KIF26B: variants seen among roughly 807,000 people sequenced by gnomAD.
KIF26B encodes the protein kinesin family member 26B.
In KIF26B, 63 loss-of-function variants were observed where a neutral mutation model predicts 151.2. The observed-to-expected ratio is 0.42, with a 90% CI of 0.34 to 0.51. The LOEUF is 0.51. KIF26B is among the 20% of genes least tolerant of loss of function. KIF26B has a pLI of 0.07. For synonymous variants in KIF26B, 1,357 were observed against 1,262.1 expected (o/e 1.08, Z -1.59); for missense variants, 2,813 against 2,913.6 (o/e 0.97, Z 0.79).
intron 4 of KIF26B, among the ~76,000 whole-genome samples, chr1:245,499,395 G>A (rs1660574762): frequency 6.6e-6 from 1 of 152,156 alleles, no homozygotes; most frequent in Non-Finnish European, 1.5e-5. Context: ...AGGCTACATG[G>A]TGAGTCTAGG....
chr1:245,538,685 C>T (rs1017536439), intron 4 of KIF26B, among the ~76,000 whole-genome samples: 4 of 152,100 alleles, frequency 2.6e-5, no homozygotes, highest in East Asian at 1.9e-4. Context: ...ATAGCCATTG[C>T]CTGGTCCTTT....
chr1:245,423,776 A>G (rs1373378608), intron 4 of KIF26B, among the ~76,000 whole-genome samples: 2 of 152,180 alleles, frequency 1.3e-5, no homozygotes, highest in African/African-American at 4.8e-5. Flanking sequence ...CGTCGCTCTC[A>G]TTCATGCAGA....
chr1:245,613,166 A>G (rs549984618), intron 9 of KIF26B, among the ~76,000 whole-genome samples: 69 of 152,302 alleles, frequency 4.5e-4, no homozygotes, highest in African/African-American at 1.6e-3. Flanking sequence ...CGCTTTCTGC[A>G]TGATTGTCTC....
chr1:245,519,044 G>A (rs1341413718), intron 4 of KIF26B, among the ~76,000 whole-genome samples: 1 of 152,140 alleles, frequency 6.6e-6, no homozygotes, highest in Non-Finnish European at 1.5e-5. Context: ...TTGAAAGGAG[G>A]TAAGACATAT....
intron 4 of KIF26B, among the ~76,000 whole-genome samples, chr1:245,444,086 C>T: frequency 7.0e-6 from 1 of 142,406 alleles, no homozygotes; most frequent in African/African-American, 2.5e-5. Flanking sequence ...TCACTGTTCA[C>T]CCTGCGGTCA....
intron 9 of KIF26B, among the ~76,000 whole-genome samples, chr1:245,639,000 G>A (rs2043861030): frequency 6.6e-6 from 1 of 151,836 alleles, no homozygotes; most frequent in Non-Finnish European, 1.5e-5. Flanking sequence ...GAATGAGTTT[G>A]GAAGTATTTC....
Position 245,267,043 on chromosome 1 carries a change from G to A in KIF26B, c.466-99791G>A, listed in dbSNP as rs577640784. ...TCCACAGTGCATATGCTAATACTAG[G>A]TATTCAAGAAAGCAAGGTTTGATTT... On this transcript the variant is annotated intron_variant, in intron 2 of 14. Coordinates refer to ENST00000407071, the MANE Select transcript of KIF26B (RefSeq NM_018012.4). 2.0e-5 allele frequency among the ~76,000 whole-genome samples: 3 copies of A among 152,236 alleles called. No homozygotes were observed. The South Asian group carries it at 6.2e-4, about 32-fold the overall frequency.
chr1:245,201,059 A>C (rs1669292667), intron 2 of KIF26B, among the ~76,000 whole-genome samples: 1 of 152,196 alleles, frequency 6.6e-6, no homozygotes, highest in Non-Finnish European at 1.5e-5. Context: ...CTTTACACCC[A>C]AGACAGCTGA....
chr1:245,513,214 C>G (rs576636900), intron 4 of KIF26B, among the ~76,000 whole-genome samples: 1 of 151,470 alleles, frequency 6.6e-6, no homozygotes, highest in Admixed American at 6.6e-5. Flanking sequence ...CTGCACCCCC[C>G]CCCAACCCCG....
At chr1:245,209,416 G>GA (rs913797960) in intron 2 of KIF26B, among the ~76,000 whole-genome samples, 2 of 148,842 alleles carry the variant, frequency 1.3e-5, no homozygotes, top group African/African-American at 4.9e-5. Context: ...AATAAAACAA[G>GA]AAAAAAAATA....
intron 4 of KIF26B, among the ~76,000 whole-genome samples, chr1:245,443,709 A>C (rs1187520325): frequency 1.0e-5 from 1 of 95,894 alleles, no homozygotes; most frequent in Admixed American, 1.1e-4. Flanking sequence ...CATCTCCCTC[A>C]CTGTTCACCT....
chr1:245,277,564 CA>C (rs1477329718), intron 2 of KIF26B, among the ~76,000 whole-genome samples: 5 of 151,878 alleles, frequency 3.3e-5, no homozygotes, highest in African/African-American at 1.2e-4. Flanking sequence ...CCTCATTAAC[CA>C]AAACAAGTTT....
chr1:245,686,111 TC>T lies in KIF26B; in HGVS notation c.3130del (p.Gln1044ArgfsTer88). 6.2e-7 allele frequency: 1 copy of T among 1,609,638 alleles called. No individual in the cohort carries two copies. Among genetic ancestry groups the T allele is most frequent in the Non-Finnish European group, 8.5e-7 (1 of 1,178,566 alleles). On this transcript the variant is annotated frameshift_variant, in exon 12 of 15. Coordinates refer to ENST00000407071, the MANE Select transcript of KIF26B (RefSeq NM_018012.4). LOFTEE classifies it high-confidence loss of function. This position sits in a 1 kb window ranked among gnomAD's most constrained non-coding sequence, Gnocchi z 5.6. ...TCCCCACTCGTGCAGAGCCCCAGCC[TC>T]CAGAGCAGCCGGGAGAGCCTCAACT... ...SASPLVQSPS[L>X]QSSRESLNSC...
At chr1:245,443,923 A>G (rs374070741) in intron 4 of KIF26B, among the ~76,000 whole-genome samples, 2 of 127,208 alleles carry the variant, frequency 1.6e-5, no homozygotes, top group East Asian at 5.0e-4. Context: ...CCCTGCGGTC[A>G]TCTCCCTCAC....
At chr1:245,255,207 G>A (rs1167312542) in intron 2 of KIF26B, among the ~76,000 whole-genome samples, 2 of 152,144 alleles carry the variant, frequency 1.3e-5, no homozygotes, top group African/African-American at 2.4e-5. Flanking sequence ...CTTGATCCTG[G>A]ACTTCCTAGT....
chr1:245,437,309 C>T (rs147130090), intron 4 of KIF26B, among the ~76,000 whole-genome samples: 2 of 152,274 alleles, frequency 1.3e-5, no homozygotes, highest in East Asian at 3.9e-4. Flanking sequence ...CCTCAGTGTC[C>T]CCACCTGTTA....
At chr1:245,220,662 C>T (rs1669749553) in intron 2 of KIF26B, among the ~76,000 whole-genome samples, 1 of 152,214 alleles carries the variant, frequency 6.6e-6, no homozygotes, top group African/African-American at 2.4e-5. Flanking sequence ...TAAATACTGT[C>T]TCTTTCAAAA....
chr1:245,302,742 G>A (rs1671448109), intron 2 of KIF26B, among the ~76,000 whole-genome samples: 1 of 152,082 alleles, frequency 6.6e-6, no homozygotes, highest in African/African-American at 2.4e-5. Flanking sequence ...TGTAATCCCA[G>A]CACTTTGGGA....
At chr1:245,373,085 T>C (rs1055276459) in intron 3 of KIF26B, among the ~76,000 whole-genome samples, 1 of 152,236 alleles carries the variant, frequency 6.6e-6, no homozygotes, top group African/African-American at 2.4e-5. Flanking sequence ...CTTCTTTTGT[T>C]CAGAGTTTTC....
Sources: gnomAD v4.1 joint callset for allele counts (sites outside exome capture counted in the v4.1 genomes callset) on GRCh38, gnomAD v4.1.1 for gene constraint, Gnocchi (gnomAD v3.1) non-coding constraint, MANE v1.5 for transcripts, NCBI Gene and HGNC (gene_info 2026-07-23, HGNC 2026-07-21) for gene names.